SUGCT: variants seen among roughly 807,000 people sequenced by gnomAD.
SUGCT encodes the protein succinyl-CoA:glutarate-CoA transferase.
In SUGCT, 41 loss-of-function variants were observed where a neutral mutation model predicts 55.0. The observed-to-expected ratio is 0.74, with a 90% CI of 0.58 to 0.97. SUGCT has a LOEUF of 0.97. SUGCT is among the 50% of genes least tolerant of loss of function. The pLI, the probability that SUGCT is intolerant of heterozygous loss-of-function variation, is 0.00. For synonymous variants in SUGCT, 187 were observed against 200.4 expected (o/e 0.93, Z 0.56); for missense variants, 568 against 547.8 (o/e 1.04, Z -0.37).
At chr7:40,602,463 T>C (rs944193074) in intron 12 of SUGCT, among the ~76,000 whole-genome samples, 3 of 152,168 alleles carry the variant, frequency 2.0e-5, no homozygotes, top group African/African-American at 7.2e-5. Flanking sequence ...GGTCAGCTGC[T>C]TGACTGATCA....
At chr7:40,791,803 C>T (rs1022459530) in intron 13 of SUGCT, among the ~76,000 whole-genome samples, 2 of 152,184 alleles carry the variant, frequency 1.3e-5, no homozygotes, top group Admixed American at 1.3e-4. Flanking sequence ...ACCTGGGCTG[C>T]CACCATGCTC....
the SUGCT span, among the ~76,000 whole-genome samples, chr7:40,954,595 GC>G: frequency 6.6e-6 from 1 of 151,942 alleles, no homozygotes; most frequent in Admixed American, 6.6e-5. Flanking sequence ...TCTTGGAACT[GC>G]CCCTGATGAT....
the SUGCT span, among the ~76,000 whole-genome samples, chr7:40,930,480 G>A: frequency 0.33 from 49,905 of 151,972 alleles, 9,005 homozygotes; most frequent in Admixed American, 0.44. Flanking sequence ...AGCTTGATGG[G>A]GATGGCATTG....
At chr7:40,678,972 T>C (rs1784120979) in intron 12 of SUGCT, among the ~76,000 whole-genome samples, 1 of 152,194 alleles carries the variant, frequency 6.6e-6, no homozygotes, top group Admixed American at 6.5e-5. Flanking sequence ...TTGAAGTTCC[T>C]TCTGGTTGAC....
intron 12 of SUGCT, among the ~76,000 whole-genome samples, chr7:40,528,132 C>T (rs1342026834): frequency 6.6e-6 from 1 of 152,200 alleles, no homozygotes; most frequent in African/African-American, 2.4e-5. Context: ...AGTATACTTA[C>T]CTTGAAAGAC....
the SUGCT span, among the ~76,000 whole-genome samples, chr7:40,970,673 A>C: frequency 3.9e-5 from 6 of 152,210 alleles, no homozygotes; most frequent in African/African-American, 1.4e-4. Context: ...AATATGATGT[A>C]ACTGAGACTC....
intron 11 of SUGCT, among the ~76,000 whole-genome samples, chr7:40,464,539 G>C (rs1789994961): frequency 6.6e-6 from 1 of 152,120 alleles, no homozygotes; most frequent in African/African-American, 2.4e-5. Context: ...ATAAAATCAT[G>C]ACAGCAGAAA....
chr7:40,274,073 C>CCTTTTTT (rs773105420), intron 7 of SUGCT, among the ~76,000 whole-genome samples: 1 of 68,004 alleles, frequency 1.5e-5, no homozygotes, highest in Non-Finnish European at 2.5e-5. Context: ...TTTTTACCTT[C>CCTTTTTT]TTTTTTTTTT....
At chr7:40,666,694 C>T (rs1036419642) in intron 12 of SUGCT, among the ~76,000 whole-genome samples, 5 of 151,720 alleles carry the variant, frequency 3.3e-5, no homozygotes, top group Non-Finnish European at 7.4e-5. Context: ...TCCATGTGTT[C>T]GTATGATTTC....
At chr7:40,409,368 A>G (rs570160864) in intron 9 of SUGCT, among the ~76,000 whole-genome samples, 15 of 152,052 alleles carry the variant, frequency 9.9e-5, no homozygotes, top group African/African-American at 3.4e-4. Context: ...GGCTCAAGTG[A>G]TCCTCCCACC....
intron 6 of SUGCT, among the ~76,000 whole-genome samples, chr7:40,219,565 A>T (rs1787905416): frequency 6.6e-6 from 1 of 152,184 alleles, no homozygotes; most frequent in Non-Finnish European, 1.5e-5. Context: ...TGTAAAAGTT[A>T]GGTGACACTG....
chr7:40,244,792 G>T (rs1789706113), intron 7 of SUGCT, among the ~76,000 whole-genome samples: 1 of 152,074 alleles, frequency 6.6e-6, no homozygotes, highest in African/African-American at 2.4e-5. Flanking sequence ...TACATAAGTA[G>T]GTGGACCGTA....
chr7:40,964,078 A>T, the SUGCT span, among the ~76,000 whole-genome samples: 5,929 of 152,312 alleles, frequency 0.039, 388 homozygotes, highest in African/African-American at 0.14. Flanking sequence ...TCTACATAGT[A>T]TTTCTTGATG....
intron 9 of SUGCT, among the ~76,000 whole-genome samples, chr7:40,357,548 G>A (rs945326359): frequency 2.2e-4 from 34 of 152,168 alleles, no homozygotes; most frequent in Admixed American, 2.0e-3. Context: ...AATGCGACAT[G>A]TGGTCTCGGT....
chr7:40,557,510 T>C (rs1435566575), intron 12 of SUGCT, among the ~76,000 whole-genome samples: 2 of 152,154 alleles, frequency 1.3e-5, no homozygotes, highest in African/African-American at 4.8e-5. Context: ...TGGTGGCTCA[T>C]GCCTGTAATC....
chr7:40,226,265 C>G (rs945065432), intron 6 of SUGCT, among the ~76,000 whole-genome samples: 3 of 152,128 alleles, frequency 2.0e-5, no homozygotes, highest in Non-Finnish European at 2.9e-5. Flanking sequence ...TGAGGTAGAA[C>G]TGTGTGAATC....
intron 13 of SUGCT, among the ~76,000 whole-genome samples, chr7:40,786,791 T>C (rs180700392): frequency 2.0e-4 from 31 of 152,252 alleles, no homozygotes; most frequent in Admixed American, 7.2e-4. Flanking sequence ...GCATCCTGAA[T>C]TGGATGTTAG....
chr7:40,774,777 TAAA>T (rs5883739), intron 13 of SUGCT, among the ~76,000 whole-genome samples: 10 of 132,614 alleles, frequency 7.5e-5, no homozygotes, highest in African/African-American at 2.6e-4. Flanking sequence ...TTTTGGCAAA[TAAA>T]AAAAAAAAAA....
chr7:40,764,419 C>T (rs547843153), intron 13 of SUGCT, among the ~76,000 whole-genome samples: 33 of 152,126 alleles, frequency 2.2e-4, no homozygotes, highest in Non-Finnish European at 3.4e-4. Flanking sequence ...ATTCATGGGA[C>T]ACATTTCAAA....
Sources: allele counts gnomAD v4.1 joint callset (sites outside exome capture counted in the v4.1 genomes callset), GRCh38; gene constraint gnomAD v4.1.1; transcripts MANE v1.5; gene names NCBI Gene and HGNC (gene_info 2026-07-23, HGNC 2026-07-21).